Variants in HPX observed in about 807,000 individuals in gnomAD.
HPX encodes the protein hemopexin, also known as beta-1B-glycoprotein.
HPX carries 42 observed loss-of-function variants against 53.8 expected under a neutral mutation model. The ratio of observed to expected loss-of-function variants is 0.78; its 90% CI spans 0.61 to 1.01. The LOEUF is 1.01. Ranked by LOEUF, HPX falls within the 50% of genes least tolerant of loss-of-function variation. The pLI is 0.00. For synonymous variants in HPX, 229 were observed against 221.1 expected (o/e 1.04, Z -0.32); for missense variants, 547 against 594.3 (o/e 0.92, Z 0.83).
chr11:6,438,641 G>A (rs1849448051), intron 4 of HPX, 132 bp from the exon 5 acceptor site: 5 of 797,024 alleles, frequency 6.3e-6, no homozygotes, highest in East Asian at 2.6e-5. Context: ...TCCATCTGTG[G>A]ACAACAATGT....
In HPX at chr11:6,440,567, T is replaced by TAAAA. The variant is rs71056749; in HGVS notation, c.143-33_143-30dup. Reference sequence around the variant, plus strand: ...GGGTGGAGGTAGGGAGATGGCAAAGTAAAAAAAAAAAAAAAAAAAAAAAAA... The same window carrying TAAAA: ...GGGTGGAGGTAGGGAGATGGCAAAGTAAAAAAAAAAAAAAAAAAAAAAAAAAAAA... On this transcript the variant is annotated intron_variant, in intron 2 of 9. Coordinates refer to ENST00000265983, the MANE Select transcript of HPX (RefSeq NM_000613.3). 158 of 591,086 alleles carry TAAAA rather than the reference T, an allele frequency of 2.7e-4. 1 individual carries two copies. Among genetic ancestry groups the TAAAA allele is most frequent in the African/African-American group, 4.9e-4 (15 of 30,656 alleles). The allele number at this position is 591,086 out of a possible 1,614,324, so 36.6% of individuals were successfully genotyped here.
At chr11:6,433,328 C>T (rs755312383) in intron 7 of HPX, among the ~76,000 whole-genome samples, 6 of 152,190 alleles carry the variant, frequency 3.9e-5, no homozygotes, top group Non-Finnish European at 8.8e-5. Context: ...CAGGCATGTG[C>T]CACCATTCCC....
At chr11:6,437,317 G>T (rs989856649) in intron 6 of HPX, 123 bp downstream of exon 6, 1 of 1,371,366 alleles carries the variant, frequency 7.3e-7, no homozygotes, top group Non-Finnish European at 1.0e-6. Flanking sequence ...ATGGAAATGG[G>T]GCTAGATTAA....
intron 5 of HPX, 192 bp downstream of exon 5, chr11:6,438,164 T>A (rs966345981): frequency 2.0e-5 from 13 of 639,598 alleles, no homozygotes; most frequent in Non-Finnish European, 2.8e-5. Context: ...TTACACACAG[T>A]TGCCTTCACC....
intron 4 of HPX, chr11:6,439,814 GCCA>G: frequency 2.8e-6 from 1 of 351,658 alleles, no homozygotes; most frequent in Non-Finnish European, 5.6e-6. Context: ...CTAGCCAGGT[GCCA>G]TTGTGTTGGG....
rs1849340514 is a variant in HPX, at chr11:6,431,099, G to T, written c.*112C>A. ...TATTATGAGAAACTGGGGAGGTGGG[G>T]CCAGGCCAGACTCATGTCAGAAGGC... On this transcript the variant is annotated 3_prime_UTR_variant, in exon 10 of 10. Transcript: ENST00000265983. 7.0e-7 allele frequency: 1 copy of T among 1,421,158 alleles called. No individual in the cohort carries two copies. Among genetic ancestry groups the T allele is most frequent in the Non-Finnish European group, 9.5e-7 (1 of 1,053,432 alleles). 88.0% of individuals were successfully genotyped at this position (1,421,158 alleles called of 1,614,324 possible).
chr11:6,431,798 G>A lies in HPX; in HGVS notation c.972C>T (p.Thr324=), dbSNP rs776614101. The A allele has an allele frequency of 6.8e-6, 11 of 1,613,958 alleles. No individual in the cohort carries two copies. In the Admixed American group the frequency reaches 1.5e-4, roughly 22 times the overall value. ...CCTTTGTCAGGAAGACATATACCTGGGTGCCCTGGAGGACAAAGGATGGTA... is the reference window on the plus strand; with the variant it reads ...CCTTTGTCAGGAAGACATATACCTGAGTGCCCTGGAGGACAAAGGATGGTA... The part of the protein sequence containing the change: ...WEEKLYLVQG[T]QVYVFLTKGG... The change falls in exon 9 of 10, where the codon ACC becomes ACT. Residue 324 remains threonine (T), a synonymous_variant. Coordinates refer to ENST00000265983, the MANE Select transcript of HPX (RefSeq NM_000613.3).
At position 6,431,162 on chromosome 11, in the gene HPX, A is replaced by G. The variant is rs1849341506; in HGVS notation, c.*49T>C. The G allele has an allele frequency of 2.5e-6, 4 of 1,606,846 alleles. No individual in the cohort carries two copies. Among genetic ancestry groups the G allele is most frequent in the Admixed American group, 3.4e-5 (2 of 59,660 alleles). ...AGCGAAGAAGCAATCTGTCTTTATT[A>G]TGAGGAACTAGGAGGTGGGGCCAGG... On this transcript the variant is annotated 3_prime_UTR_variant, in exon 10 of 10. Transcript: ENST00000265983.
intron 7 of HPX, among the ~76,000 whole-genome samples, chr11:6,435,451 G>GTTT (rs1849403962): frequency 6.6e-6 from 1 of 151,302 alleles, no homozygotes; most frequent in Admixed American, 6.6e-5. Context: ...TTGTTTGTTT[G>GTTT]TTTTGTTTTG....
In HPX at chr11:6,440,290, A is replaced by C; in HGVS notation, c.215-4T>G. ...TGACTCTTCCACACAAACTCCCCTG[A>C]AAAAACCCACACTCACTGAGGGGCC... On this transcript the variant is annotated splice_polypyrimidine_tract_variant and splice_region_variant and intron_variant, in intron 3 of 9. Transcript: ENST00000265983. The C allele has an allele frequency of 1.2e-6, 2 of 1,613,848 alleles. No homozygotes were observed. The highest frequency in any genetic ancestry group is 1.7e-6 in the Non-Finnish European group (2 of 1,179,990).
rs765391701 is a variant in HPX at position 6,431,824 on chromosome 11, A to G, written c.967-21T>C. 3.1e-6 allele frequency: 5 copies of G among 1,614,000 alleles called. No homozygotes were observed. The East Asian group carries it at 1.1e-4, about 36-fold the overall frequency. Reference sequence around the variant, plus strand: ...GTGCCCTGGAGGACAAAGGATGGTAATAAATACAGAGTTGGATATGCTTGT... The same window carrying G: ...GTGCCCTGGAGGACAAAGGATGGTAGTAAATACAGAGTTGGATATGCTTGT... On this transcript the variant is annotated intron_variant, in intron 8 of 9. Transcript: ENST00000265983.
rs752973399 is a variant in HPX at position 6,431,079 on chromosome 11, T to A, written c.*132A>T. On this transcript the variant is annotated 3_prime_UTR_variant, in exon 10 of 10. Coordinates refer to ENST00000265983, the MANE Select transcript of HPX (RefSeq NM_000613.3). Reference sequence around the variant, plus strand: ...GTGAAGAAGCAATCTGTCTTTATTATGAGAAACTGGGGAGGTGGGGCCAGG... The same window carrying A: ...GTGAAGAAGCAATCTGTCTTTATTAAGAGAAACTGGGGAGGTGGGGCCAGG... The A allele has an allele frequency of 1.7e-6, 2 of 1,197,158 alleles. No homozygotes were observed. The highest frequency in any genetic ancestry group is 5.0e-5 in the East Asian group (2 of 40,192). 74.2% of individuals were successfully genotyped at this position (1,197,158 alleles called of 1,614,324 possible). A position where few individuals can be genotyped will look rare whatever the true frequency, so the allele number is the denominator to read the frequency against.
At position 6,440,893 on chromosome 11, in the gene HPX, G is replaced by T. The variant is rs780840467; in HGVS notation, c.71C>A (p.Thr24Asn). 17 of 1,613,132 alleles carry T rather than the reference G, an allele frequency of 1.1e-5. No homozygotes were observed. The highest frequency in any genetic ancestry group is 1.4e-5 in the Non-Finnish European group (17 of 1,179,536). Residue 24 changes from threonine (T) to asparagine (N), a missense_variant, in exon 1 of 10, where the codon ACC becomes AAC. Coordinates refer to ENST00000265983, the MANE Select transcript of HPX (RefSeq NM_000613.3). ...CAGCTTTACTCACGGAGGAAGAGGGGTGGCAATGGCCAGAGACCAGCATAG... is the reference window on the plus strand; with the variant it reads ...CAGCTTTACTCACGGAGGAAGAGGGTTGGCAATGGCCAGAGACCAGCATAG... ...WSLCWSLAIA[T>N]PLPPTSAHGN...
In HPX at chr11:6,431,092, A is replaced by G. The variant is rs985381137; in HGVS notation, c.*119T>C. Reference sequence around the variant, plus strand: ...CTGTCTTTATTATGAGAAACTGGGGAGGTGGGGCCAGGCCAGACTCATGTC... The same window carrying G: ...CTGTCTTTATTATGAGAAACTGGGGGGGTGGGGCCAGGCCAGACTCATGTC... On this transcript the variant is annotated 3_prime_UTR_variant, in exon 10 of 10. Coordinates refer to ENST00000265983, the MANE Select transcript of HPX (RefSeq NM_000613.3). 6 of 1,305,816 alleles carry G rather than the reference A, an allele frequency of 4.6e-6. No homozygotes were observed. In the African/African-American group the frequency reaches 8.9e-5, roughly 19 times the overall value. 80.9% of individuals were successfully genotyped at this position (1,305,816 alleles called of 1,614,324 possible). A position where few individuals can be genotyped will look rare whatever the true frequency, so the allele number is the denominator to read the frequency against.
chr11:6,435,461 GTTT>G (rs1386951383), intron 7 of HPX, among the ~76,000 whole-genome samples: 1 of 151,100 alleles, frequency 6.6e-6, no homozygotes, highest in East Asian at 2.0e-4. Context: ...GTTTTGTTTT[GTTT>G]TTTGTTTTTG....
chr11:6,436,065 T>C (rs1849412399), intron 7 of HPX, among the ~76,000 whole-genome samples: 1 of 152,184 alleles, frequency 6.6e-6, no homozygotes, highest in African/African-American at 2.4e-5. Context: ...CTATGGCGTA[T>C]GTTCTCAGTT....
chr11:6,437,328 G>A (rs914015025), intron 6 of HPX, 112 bp downstream of exon 6: 10 of 1,369,186 alleles, frequency 7.3e-6, no homozygotes, highest in East Asian at 2.4e-5. Flanking sequence ...GCTAGATTAA[G>A]GGCCAAGGTG....
At chr11:6,433,666 G>A (rs559923391) in intron 7 of HPX, among the ~76,000 whole-genome samples, 15 of 152,304 alleles carry the variant, frequency 9.8e-5, no homozygotes, top group Admixed American at 9.2e-4. Context: ...CAAAAAGTCA[G>A]AGTGATCTTT....
Position 6,437,641 on chromosome 11 carries a change from A to T in HPX, c.502T>A (p.Trp168Arg). ...GVLFFQGDRE[W>R]FWDLATGTMK... ...GTTCCCGTAGCCAAGTCCCAGAACC[A>T]CTCGCGGTCACCTTTGTCCAATCAA... is the stretch of plus-strand genomic sequence containing the variant. Residue 168 changes from tryptophan (W) to arginine (R), a missense_variant, in exon 6 of 10, where the codon TGG becomes AGG. Physicochemically the swap from Trp to Arg is moderately radical, Grantham distance 101. Coordinates refer to ENST00000265983, the MANE Select transcript of HPX (RefSeq NM_000613.3). 6.2e-7 allele frequency: 1 copy of T among 1,613,918 alleles called. No homozygotes were observed. The highest frequency in any genetic ancestry group is 8.5e-7 in the Non-Finnish European group (1 of 1,179,938).
Sources: allele counts gnomAD v4.1 joint callset (sites outside exome capture counted in the v4.1 genomes callset), GRCh38; gene constraint gnomAD v4.1.1; transcripts MANE v1.5; gene names NCBI Gene and HGNC (gene_info 2026-07-23, HGNC 2026-07-21).